CDC42BPB: variants seen among roughly 807,000 people sequenced by gnomAD.
CDC42BPB encodes CDC42 binding protein kinase beta.
Under a neutral mutation model 214.9 loss-of-function variants are expected in CDC42BPB, and 37 were observed. That is an observed-to-expected ratio of 0.17 (90% CI 0.13 to 0.23). CDC42BPB has a LOEUF of 0.23. CDC42BPB is among the 10% of genes least tolerant of loss of function. CDC42BPB has a pLI of 1.00. For synonymous variants in CDC42BPB, 931 were observed against 884.0 expected (o/e 1.05, Z -0.94); for missense variants, 1,694 against 2,227.0 (o/e 0.76, Z 4.82).
In CDC42BPB at chr14:102,940,050, G is replaced by A. The variant is rs750897008; in HGVS notation, c.4587C>T (p.Phe1529=). The A allele has an allele frequency of 5.0e-6, 8 of 1,613,854 alleles. No individual in the cohort carries two copies. The East Asian group carries it at 1.6e-4, about 31-fold the overall frequency. ...PPRLIYFKSK[F]SGAVLNVPDT... is the part of the protein sequence containing the mutation. Reference sequence around the variant, plus strand: ...CCGGTGCAGAGGAAGGCTCACCCGAGAACTTGCTCTTGAAGTAGATCAAGC... The same window carrying A: ...CCGGTGCAGAGGAAGGCTCACCCGAAAACTTGCTCTTGAAGTAGATCAAGC... The change falls in exon 32 of 37, where the codon TTC becomes TTT. Residue 1529 remains phenylalanine (F), a synonymous_variant. Coordinates refer to ENST00000361246, the MANE Select transcript of CDC42BPB (RefSeq NM_006035.4).
Position 102,968,270 on chromosome 14 carries a change from T to G in CDC42BPB, c.2329A>C (p.Thr777Pro). 3 of 1,613,104 alleles carry G rather than the reference T, an allele frequency of 1.9e-6. No homozygotes were observed. The highest frequency in any genetic ancestry group is 2.5e-6 in the Non-Finnish European group (3 of 1,179,198). Residue 777 changes from threonine to proline, a missense_variant, in exon 16 of 37, where the codon ACT becomes CCT. Coordinates refer to ENST00000361246, the MANE Select transcript of CDC42BPB (RefSeq NM_006035.4). ...TTAATTACCTTTTCATTTTCAGCAGTTAGCTTCTTGTTTTCATCAAACAGC... is the reference window on the plus strand; with the variant it reads ...TTAATTACCTTTTCATTTTCAGCAGGTAGCTTCTTGTTTTCATCAAACAGC... The part of the protein sequence containing the change: ...AMLFDENKKL[T>P]AENEKLCSFV...
rs901819183 is a variant in CDC42BPB, at chr14:103,043,864, A to C, written c.175+13135T>G. ...GGATTATCAAAACTTCATAAACACA[A>C]ATCTTGCTTTTTAAAAAAAATAATT... On this transcript the variant is annotated intron_variant, in intron 1 of 36. Coordinates refer to ENST00000361246, the MANE Select transcript of CDC42BPB (RefSeq NM_006035.4). 4.6e-5 allele frequency among the ~76,000 whole-genome samples: 7 copies of C among 152,176 alleles called. No homozygotes were observed. The East Asian group carries it at 1.3e-3, about 29-fold the overall frequency.
chr14:103,032,054 G>A (rs1366229089), intron 1 of CDC42BPB, among the ~76,000 whole-genome samples: 1 of 151,514 alleles, frequency 6.6e-6, no homozygotes, highest in East Asian at 1.9e-4. Context: ...GCAGCAGAGG[G>A]AGCCAAGAGC....
In CDC42BPB at chr14:103,032,562, GAGAA is replaced by G. The variant is rs1277876046; in HGVS notation, c.176-20378_176-20375del. On this transcript the variant is annotated intron_variant, in intron 1 of 36. Coordinates refer to ENST00000361246, the MANE Select transcript of CDC42BPB (RefSeq NM_006035.4). ...AAAAAAAAAAAAAAAAAAAAGGAGA[GAGAA>G]AGAGCTTACAGATTAAAAGAGATTA... Among the ~76,000 whole-genome samples the G allele has an allele frequency of 1.8e-3, 260 of 141,184 alleles. 3 individuals carry two copies. Among genetic ancestry groups the G allele is most frequent in the African/African-American group, 6.4e-3 (248 of 38,600 alleles). 92.6% of individuals were successfully genotyped at this position (141,184 alleles called of 152,430 possible).
At position 102,971,950 on chromosome 14, in the gene CDC42BPB, T is replaced by C; in HGVS notation, c.1853A>G (p.Glu618Gly). The change falls in exon 13 of 37, where the codon GAA becomes GGA. Residue 618 changes from glutamate to glycine, a missense_variant. Transcript: ENST00000361246. ...ATQKVDAMRQ[E>G]MRRAEKLRKE... ...CCTGAGCTTCTCAGCTCTCCGCATT[T>C]CCTGCCGCATGGCGTCCACCTTCTG... The C allele has an allele frequency of 1.9e-6, 3 of 1,614,230 alleles. No individual in the cohort carries two copies. Among genetic ancestry groups the C allele is most frequent in the Non-Finnish European group, 2.5e-6 (3 of 1,180,044 alleles).
chr14:102,937,136 G>C (rs1359961686), intron 36 of CDC42BPB: 2 of 152,210 alleles, frequency 1.3e-5, no homozygotes, highest in Non-Finnish European at 2.9e-5. Flanking sequence ...TACCCTAAGA[G>C]GGACACCATG....
chr14:102,959,609 T>TAA (rs201328351), intron 21 of CDC42BPB, 22 bp downstream of exon 21: 40 of 1,354,522 alleles, frequency 3.0e-5, no homozygotes, highest in South Asian at 1.1e-4. Context: ...ATCTGTCACT[T>TAA]AAAAAAAAAA....
chr14:103,040,382 ATGT>A (rs1290327288), intron 1 of CDC42BPB, among the ~76,000 whole-genome samples: 1 of 151,760 alleles, frequency 6.6e-6, no homozygotes, highest in Non-Finnish European at 1.5e-5. Context: ...AGCAAACTTT[ATGT>A]ATTTTTACCC....
chr14:103,016,540 G>GGGAACCAGGTGAGGGGAA (rs1886475745), intron 1 of CDC42BPB, among the ~76,000 whole-genome samples: 1 of 151,886 alleles, frequency 6.6e-6, no homozygotes, highest in East Asian at 1.9e-4. Context: ...GGTGAGGGGA[G>GGGAACCAGGTGAGGGGAA]GGAACCAGGT....
At chr14:103,011,198 G>A (rs1464458594) in intron 2 of CDC42BPB, among the ~76,000 whole-genome samples, 4 of 152,214 alleles carry the variant, frequency 2.6e-5, no homozygotes, top group Admixed American at 2.0e-4. Context: ...AGGCCACACC[G>A]TGCCACGGGC....
At chr14:102,994,239 C>T (rs1199473535) in intron 5 of CDC42BPB, among the ~76,000 whole-genome samples, 1 of 152,216 alleles carries the variant, frequency 6.6e-6, no homozygotes, top group African/African-American at 2.4e-5. Flanking sequence ...ACACAGTACA[C>T]TCTGAGAAGA....
At chr14:102,979,123 A>C (rs1893886245) in intron 8 of CDC42BPB, among the ~76,000 whole-genome samples, 1 of 152,226 alleles carries the variant, frequency 6.6e-6, no homozygotes, top group Non-Finnish European at 1.5e-5. Flanking sequence ...TACTTTTCTC[A>C]GCATTTTCTC....
intron 20 of CDC42BPB, among the ~76,000 whole-genome samples, chr14:102,961,334 CTT>C (rs933569051): frequency 2.1e-5 from 3 of 145,956 alleles, no homozygotes; most frequent in African/African-American, 5.0e-5. Flanking sequence ...TGAAAACCAC[CTT>C]TTTTTTTTTT....
intron 4 of CDC42BPB, among the ~76,000 whole-genome samples, chr14:103,003,068 C>T (rs1895063782): frequency 6.6e-6 from 1 of 152,140 alleles, no homozygotes. Context: ...AAAAGGAAGC[C>T]TCGGGTCCCT....
intron 6 of CDC42BPB, among the ~76,000 whole-genome samples, chr14:102,984,178 A>C (rs905938660): frequency 5.3e-5 from 8 of 152,206 alleles, no homozygotes; most frequent in Admixed American, 2.0e-4. Context: ...CCACAGCCCC[A>C]AACAGTGCCT....
chr14:102,965,446 T>C (rs1893158185), intron 18 of CDC42BPB, among the ~76,000 whole-genome samples: 1 of 149,562 alleles, frequency 6.7e-6, no homozygotes, highest in Non-Finnish European at 1.5e-5. Context: ...CAGAGTGACC[T>C]AGGATGAAGC....
At chr14:102,934,024 G>C in intron 36 of CDC42BPB, 181 bp from the exon 37 acceptor site, 2 of 1,357,542 alleles carry the variant, frequency 1.5e-6, no homozygotes, top group Non-Finnish European at 1.9e-6. Flanking sequence ...GTGCTGGTGA[G>C]AGTCACAAAT....
chr14:103,014,882 T>C (rs956872659), intron 1 of CDC42BPB, among the ~76,000 whole-genome samples: 1 of 152,062 alleles, frequency 6.6e-6, no homozygotes, highest in Non-Finnish European at 1.5e-5. Flanking sequence ...CAAAAAACAG[T>C]GAAGACAAAG....
intron 34 of CDC42BPB, 54 bp downstream of exon 34, chr14:102,939,556 G>T: frequency 1.6e-6 from 2 of 1,275,738 alleles, no homozygotes; most frequent in Non-Finnish European, 2.3e-6. Flanking sequence ...GGCTGCCTGA[G>T]CGGGGAGGAG....
Sources: gnomAD v4.1 joint callset for allele counts (sites outside exome capture counted in the v4.1 genomes callset) on GRCh38, gnomAD v4.1.1 for gene constraint, MANE v1.5 for transcripts, NCBI Gene and HGNC (gene_info 2026-07-23, HGNC 2026-07-21) for gene names.